DOCK4: variants seen among roughly 807,000 people sequenced by gnomAD.
The protein encoded by DOCK4 is dedicator of cytokinesis protein 4.
In DOCK4, 97 loss-of-function variants were observed where a neutral mutation model predicts 268.1. That is an observed-to-expected ratio of 0.36 (90% CI 0.31 to 0.43). DOCK4 has a LOEUF of 0.43. Among genes scored for constraint, DOCK4 ranks in the 20% least tolerant of loss-of-function variants. DOCK4 has a pLI of 1.00. For missense variants in DOCK4, 2,145 were observed against 2,455.7 expected, an observed-to-expected ratio of 0.87 and a Z score of 2.67; for synonymous variants, 954 against 887.2, an observed-to-expected ratio of 1.08 and a Z score of -1.34.
chr7:111,907,105 G>A (rs1791643324), intron 13 of DOCK4, among the ~76,000 whole-genome samples: 3 of 152,072 alleles, frequency 2.0e-5, no homozygotes, highest in Admixed American at 2.0e-4. Flanking sequence ...AGCACAGACA[G>A]GGCAAATGTA....
At chr7:112,170,583 A>C (rs11772020) in intron 1 of DOCK4, among the ~76,000 whole-genome samples, 15,310 of 152,262 alleles carry the variant, frequency 0.1, 951 homozygotes, top group South Asian at 0.14. Context: ...CATAATGATG[A>C]CCTTCATTAG....
chr7:111,761,311 C>G (rs563995601), intron 39 of DOCK4, among the ~76,000 whole-genome samples: 1 of 152,142 alleles, frequency 6.6e-6, no homozygotes, highest in African/African-American at 2.4e-5. Flanking sequence ...CTGCCTGTCT[C>G]GGCCTCCCAT....
chr7:112,179,197 G>C (rs888390750), intron 1 of DOCK4, among the ~76,000 whole-genome samples: 3 of 152,084 alleles, frequency 2.0e-5, no homozygotes, highest in African/African-American at 7.2e-5. Context: ...GACCAGCCTG[G>C]GCAACATAGG....
At chr7:112,101,845 C>CTTTTTTT (rs72188849) in intron 1 of DOCK4, among the ~76,000 whole-genome samples, 1 of 146,310 alleles carries the variant, frequency 6.8e-6, no homozygotes, top group Non-Finnish European at 1.5e-5. Flanking sequence ...TTTTCTTTTT[C>CTTTTTTT]TTTTTTTTTT....
At chr7:111,976,876 C>G (rs1421566451) in intron 8 of DOCK4, 2 of 307,372 alleles carry the variant, frequency 6.5e-6, no homozygotes, top group Non-Finnish European at 1.2e-5. Flanking sequence ...GATTTGATAT[C>G]CATGCCATAC....
At chr7:111,991,633 C>T (rs1294451814) in intron 5 of DOCK4, among the ~76,000 whole-genome samples, 1 of 151,910 alleles carries the variant, frequency 6.6e-6, no homozygotes, top group African/African-American at 2.4e-5. Flanking sequence ...AGCATGAGAC[C>T]CTAGGTAAAT....
intron 5 of DOCK4, among the ~76,000 whole-genome samples, chr7:111,989,639 T>G (rs1258334979): frequency 6.6e-6 from 1 of 152,204 alleles, no homozygotes; most frequent in African/African-American, 2.4e-5. Flanking sequence ...GGATCCCCTA[T>G]CAGAAGTTGG....
At chr7:111,863,742 A>G (rs1805749547) in intron 22 of DOCK4, among the ~76,000 whole-genome samples, 178 bp from the exon 23 acceptor site, 1 of 152,216 alleles carries the variant, frequency 6.6e-6, no homozygotes, top group African/African-American at 2.4e-5. Context: ...GCAGAATAGG[A>G]CAGTTTTTGA....
chr7:112,164,563 C>T (rs1234092421), intron 1 of DOCK4, among the ~76,000 whole-genome samples: 5 of 152,200 alleles, frequency 3.3e-5, no homozygotes, highest in African/African-American at 1.2e-4. Flanking sequence ...ACTCTATACA[C>T]ACACACACGA....
intron 1 of DOCK4, among the ~76,000 whole-genome samples, chr7:112,132,195 A>G (rs1813871143): frequency 6.6e-6 from 1 of 152,098 alleles, no homozygotes; most frequent in Admixed American, 6.6e-5. Flanking sequence ...CCCCTACTTT[A>G]GAGCCGGAGG....
chr7:111,831,810 A>C (rs1802832194), intron 26 of DOCK4, among the ~76,000 whole-genome samples: 1 of 152,160 alleles, frequency 6.6e-6, no homozygotes, highest in African/African-American at 2.4e-5. Context: ...CAATAGTGCA[A>C]CCAGACAGGT....
chr7:112,101,204 C>A (rs570474957), intron 1 of DOCK4, among the ~76,000 whole-genome samples: 1 of 152,116 alleles, frequency 6.6e-6, no homozygotes, highest in African/African-American at 2.4e-5. Context: ...CACAGGCAGA[C>A]GGATCCTTGG....
intron 6 of DOCK4, among the ~76,000 whole-genome samples, chr7:111,988,788 G>C (rs1029811173): frequency 6.6e-6 from 1 of 152,128 alleles, no homozygotes; most frequent in Non-Finnish European, 1.5e-5. Flanking sequence ...ACACCATCAA[G>C]CCACATACGA....
intron 26 of DOCK4, among the ~76,000 whole-genome samples, chr7:111,827,278 T>C (rs1202095943): frequency 1.3e-5 from 2 of 152,224 alleles, no homozygotes; most frequent in Non-Finnish European, 2.9e-5. Context: ...TTTAGAGCTA[T>C]ATAACCATTT....
At chr7:111,763,166 C>T (rs900211177) in intron 39 of DOCK4, among the ~76,000 whole-genome samples, 1 of 151,992 alleles carries the variant, frequency 6.6e-6, no homozygotes, top group African/African-American at 2.4e-5. Flanking sequence ...ATTGATCAAA[C>T]AACAAAAGAC....
chr7:111,819,305 G>A (rs1046767788), intron 27 of DOCK4: 2 of 152,152 alleles, frequency 1.3e-5, no homozygotes, highest in East Asian at 3.8e-4. Context: ...AGGGGGTGGA[G>A]AGAAGCTTGT....
chr7:112,201,353 A>G (rs1820918585), intron 1 of DOCK4, among the ~76,000 whole-genome samples: 1 of 152,188 alleles, frequency 6.6e-6, no homozygotes, highest in Non-Finnish European at 1.5e-5. Context: ...CTCGCACCAC[A>G]CAATTTATTT....
chr7:111,991,728 G>A (rs542977680), intron 5 of DOCK4, among the ~76,000 whole-genome samples: 2 of 151,682 alleles, frequency 1.3e-5, no homozygotes, highest in African/African-American at 4.8e-5. Flanking sequence ...TTGGGAGGCC[G>A]AAGTGGGCGG....
At chr7:111,972,735 A>T (rs1366030888) in intron 8 of DOCK4, among the ~76,000 whole-genome samples, 2 of 152,074 alleles carry the variant, frequency 1.3e-5, no homozygotes, top group African/African-American at 2.4e-5. Flanking sequence ...TTTCCAGTGA[A>T]CATATATATA....
Sources: allele counts gnomAD v4.1 joint callset (sites outside exome capture counted in the v4.1 genomes callset), GRCh38; gene constraint gnomAD v4.1.1; transcripts MANE v1.5; gene names NCBI Gene and HGNC (gene_info 2026-07-23, HGNC 2026-07-21).